The following TNPO3 variants were observed in gnomAD, a reference collection of about 807,000 sequenced individuals.
The protein encoded by TNPO3 is transportin 3, also known as transportin-3.
A neutral mutation model predicts 122.8 loss-of-function variants in TNPO3; 65 were observed. That is an observed-to-expected ratio of 0.53 (90% CI 0.43 to 0.65). The LOEUF (loss-of-function observed/expected upper bound fraction) is 0.65, where lower values mean the gene tolerates loss of function less well. Ranked by LOEUF, TNPO3 falls within the 30% of genes least tolerant of loss-of-function variation. TNPO3 has a pLI of 0.00. For synonymous variants in TNPO3, 372 were observed against 411.2 expected, an observed-to-expected ratio of 0.90 and a Z score of 1.15; for missense variants, 850 against 1,136.7, an observed-to-expected ratio of 0.75 and a Z score of 3.63.
chr7:129,018,521 C>T (rs1217957514), intron 1 of TNPO3, among the ~76,000 whole-genome samples: 1 of 152,156 alleles, frequency 6.6e-6, no homozygotes, highest in African/African-American at 2.4e-5. Context: ...TCTATGGCTG[C>T]ATGTTTCTTC....
At chr7:129,039,818 A>C (rs997359794) in intron 1 of TNPO3, among the ~76,000 whole-genome samples, 8 of 152,246 alleles carry the variant, frequency 5.3e-5, no homozygotes, top group Non-Finnish European at 1.0e-4. Flanking sequence ...GAAGACAGTC[A>C]CAAAGGATCA....
At chr7:129,015,217 C>A (rs1803699314) in intron 3 of TNPO3, 82 bp from the exon 4 acceptor site, 1 of 1,444,478 alleles carries the variant, frequency 6.9e-7, no homozygotes, top group Admixed American at 2.3e-5. Flanking sequence ...CAGAGTAACT[C>A]ACAACAACAA....
chr7:128,993,729 G>A (rs1800999033), intron 9 of TNPO3, 78 bp downstream of exon 9: 1 of 1,243,610 alleles, frequency 8.0e-7, no homozygotes, highest in Admixed American at 2.3e-5. Flanking sequence ...AAATAAGATG[G>A]AACATTCACA....
At position 128,954,194 on chromosome 7, in the gene TNPO3, A is replaced by T. The variant is rs1253134801; in HGVS notation, c.*1223T>A. On this transcript the variant is annotated 3_prime_UTR_variant, in exon 23 of 23. Transcript: ENST00000265388. Reference sequence around the variant, plus strand: ...AACAAAGAAACACTGGTTAAATTTTAAAAATTTATTCTTTCTCTTTTGTTG... The same window carrying T: ...AACAAAGAAACACTGGTTAAATTTTTAAAATTTATTCTTTCTCTTTTGTTG... 1.3e-5 allele frequency: 2 copies of T among 152,270 alleles called. No individual in the cohort carries two copies. The highest frequency in any genetic ancestry group is 6.5e-5 in the Admixed American group (1 of 15,292). The allele number at this position is 152,270 out of a possible 1,614,324, so 9.4% of individuals were successfully genotyped here.
chr7:129,027,407 A>C (rs1023237200), intron 1 of TNPO3, among the ~76,000 whole-genome samples: 1 of 151,930 alleles, frequency 6.6e-6, no homozygotes, highest in Non-Finnish European at 1.5e-5. Context: ...CTAAAAATAC[A>C]AAAATTAGCC....
chr7:128,968,917 G>T (rs1206959735), intron 20 of TNPO3, among the ~76,000 whole-genome samples: 1 of 151,498 alleles, frequency 6.6e-6, no homozygotes, highest in African/African-American at 2.4e-5. Flanking sequence ...TGTAGGGATG[G>T]GGTCTATGTT....
At chr7:129,055,115 C>A, upstream of TNPO3, 1 of 244,692 alleles carries the variant, frequency 4.1e-6, no homozygotes, top group Admixed American at 4.7e-5. Context: ...TTCGTTTACC[C>A]GGACCGGAAG....
intron 4 of TNPO3, among the ~76,000 whole-genome samples, chr7:129,006,981 A>C (rs1802644142): frequency 6.6e-6 from 1 of 152,190 alleles, no homozygotes; most frequent in Non-Finnish European, 1.5e-5. Flanking sequence ...GTATATTAAT[A>C]TACTTGACTC....
intron 1 of TNPO3, among the ~76,000 whole-genome samples, chr7:129,043,675 T>C (rs1306747427): frequency 6.6e-6 from 1 of 152,180 alleles, no homozygotes; most frequent in African/African-American, 2.4e-5. Context: ...CAATTACCTA[T>C]GAATGTTGGT....
In TNPO3 at chr7:128,956,783, A is replaced by G. The variant is rs17166339; in HGVS notation, c.*31+441T>C. On this transcript the variant is annotated intron_variant, in intron 22 of 22. Coordinates refer to ENST00000265388, the MANE Select transcript of TNPO3 (RefSeq NM_012470.4). The stretch of plus-strand genomic sequence containing the variant: ...CTTCAGCATTCAGGTCATAAAAGTG[A>G]TAAGAATAAGCTCTTTGCTCATTAC... Among the ~76,000 whole-genome samples, 1,068 of 152,338 alleles carry G rather than the reference A, an allele frequency of 7.0e-3. 11 individuals are homozygous for G. Among genetic ancestry groups the G allele is most frequent in the African/African-American group, 0.025 (1,022 of 41,560 alleles).
At position 128,990,044 on chromosome 7, in the gene TNPO3, G is replaced by C. The variant is rs1368135082; in HGVS notation, c.1415C>G (p.Thr472Ser). The stretch of plus-strand genomic sequence containing the variant: ...GGTGTATCGCACAGCCGTATGTACG[G>C]TCTCCGGGAGGCGGACAACTCCTTC... Reference protein sequence around the residue: ...VLEGVVRLPETVHTAVRYTSI... With the variant: ...VLEGVVRLPESVHTAVRYTSI... The change falls in exon 11 of 23, where the codon ACC (threonine) becomes AGC (serine). Residue 472 changes from threonine (T) to serine (S), a missense_variant. By Grantham distance (58) the Thr-to-Ser change is moderately conservative. Coordinates refer to ENST00000265388, the MANE Select transcript of TNPO3 (RefSeq NM_012470.4). 2.5e-6 allele frequency: 4 copies of C among 1,614,184 alleles called. No individual in the cohort carries two copies. The South Asian group carries it at 4.4e-5, about 18-fold the overall frequency.
At chr7:129,020,913 G>GT (rs1324961284) in intron 1 of TNPO3, among the ~76,000 whole-genome samples, 1 of 152,190 alleles carries the variant, frequency 6.6e-6, no homozygotes, top group Non-Finnish European at 1.5e-5. Context: ...AGTGACATCT[G>GT]TAAGACCTGT....
chr7:128,992,242 T>A (rs886484626), intron 9 of TNPO3, 152 bp from the exon 10 acceptor site: 5 of 477,818 alleles, frequency 1.0e-5, no homozygotes, highest in Non-Finnish European at 1.8e-5. Flanking sequence ...TTCTTTTTTT[T>A]ATATCATCAC....
intron 5 of TNPO3, among the ~76,000 whole-genome samples, chr7:129,004,696 T>G (rs1224928284): frequency 1.3e-5 from 2 of 152,224 alleles, no homozygotes; most frequent in African/African-American, 2.4e-5. Flanking sequence ...ATGTCTAGGA[T>G]TCAATGACCA....
At chr7:128,973,730 C>G (rs370972877) in intron 18 of TNPO3, among the ~76,000 whole-genome samples, 1 of 43,854 alleles carries the variant, frequency 2.3e-5, no homozygotes, top group Admixed American at 4.6e-4. Flanking sequence ...AGCGAGACTC[C>G]GTCTCAAAAA....
chr7:129,026,871 TGG>T (rs1173887612), intron 1 of TNPO3, among the ~76,000 whole-genome samples: 5 of 152,298 alleles, frequency 3.3e-5, no homozygotes, highest in Non-Finnish European at 7.4e-5. Flanking sequence ...CAGCTCACTG[TGG>T]CCTCAAATTC....
chr7:129,002,476 A>G (rs1377208016), intron 5 of TNPO3, among the ~76,000 whole-genome samples: 1 of 152,188 alleles, frequency 6.6e-6, no homozygotes, highest in African/African-American at 2.4e-5. Context: ...TCCTTGAATA[A>G]TTTTTTTAAA....
intron 4 of TNPO3, among the ~76,000 whole-genome samples, chr7:129,010,341 AT>A (rs976827803): frequency 6.7e-5 from 10 of 149,130 alleles, no homozygotes; most frequent in Admixed American, 1.3e-4. Flanking sequence ...TTAATGTATT[AT>A]TTTTTTTTTG....
chr7:128,962,582 C>T (rs945823624), intron 21 of TNPO3, among the ~76,000 whole-genome samples: 1 of 152,192 alleles, frequency 6.6e-6, no homozygotes, highest in African/African-American at 2.4e-5. Flanking sequence ...TCTGTCTTGT[C>T]TACTACAGGC....
Sources: allele counts gnomAD v4.1 joint callset (sites outside exome capture counted in the v4.1 genomes callset), GRCh38; gene constraint gnomAD v4.1.1; transcripts MANE v1.5; gene names NCBI Gene and HGNC (gene_info 2026-07-23, HGNC 2026-07-21).